The following MACROD2 variants were observed in gnomAD, a reference collection of about 807,000 sequenced individuals.
MACROD2 encodes mono-ADP ribosylhydrolase 2, also known as ADP-ribose glycohydrolase MACROD2.
In MACROD2, 36 loss-of-function variants were observed where a neutral mutation model predicts 70.4. That is an observed-to-expected ratio of 0.51 (90% confidence interval 0.39 to 0.68). MACROD2 has a LOEUF of 0.68. Among genes scored for constraint, MACROD2 ranks in the 30% least tolerant of loss-of-function variants. MACROD2 has a pLI of 0.00. For synonymous variants in MACROD2, 172 were observed against 178.8 expected (o/e 0.96, Z 0.30); for missense variants, 496 against 538.4 (o/e 0.92, Z 0.78).
intron 6 of MACROD2, among the ~76,000 whole-genome samples, chr20:15,351,720 T>G (rs1343797085): frequency 1.3e-5 from 2 of 152,160 alleles, no homozygotes; most frequent in African/African-American, 4.8e-5. Context: ...GTATTAGAAG[T>G]GAGGACCTTC....
chr20:14,748,573 T>C (rs1301894422), intron 5 of MACROD2, among the ~76,000 whole-genome samples: 6 of 152,096 alleles, frequency 3.9e-5, no homozygotes, highest in Non-Finnish European at 7.3e-5. Context: ...ACAGAGAAGA[T>C]GTAGAGAACT....
intron 4 of MACROD2, among the ~76,000 whole-genome samples, chr20:14,612,142 A>G (rs189145746): frequency 1.3e-5 from 2 of 152,146 alleles, no homozygotes; most frequent in African/African-American, 2.4e-5. Flanking sequence ...ATCTAGCCAG[A>G]TGTTTAAGCA....
chr20:15,259,224 G>A (rs1038740173), intron 6 of MACROD2, among the ~76,000 whole-genome samples: 1 of 151,952 alleles, frequency 6.6e-6, no homozygotes, highest in Non-Finnish European at 1.5e-5. Flanking sequence ...AATAGCATAT[G>A]AGACAGAGGA....
intron 4 of MACROD2, among the ~76,000 whole-genome samples, chr20:14,495,626 TA>T (rs1444125658): frequency 2.0e-5 from 3 of 152,192 alleles, no homozygotes; most frequent in Non-Finnish European, 4.4e-5. Flanking sequence ...CTGATTTCTT[TA>T]AATATATGTA....
chr20:14,005,683 A>G (rs1189219480), intron 2 of MACROD2, among the ~76,000 whole-genome samples: 1 of 151,712 alleles, frequency 6.6e-6, no homozygotes, highest in East Asian at 1.9e-4. Flanking sequence ...GCTCACTACA[A>G]CCTCCACCTC....
intron 6 of MACROD2, among the ~76,000 whole-genome samples, chr20:15,392,829 G>C (rs751918822): frequency 1.3e-4 from 20 of 150,882 alleles, no homozygotes; most frequent in Non-Finnish European, 2.4e-4. Context: ...TTTCCTTCTA[G>C]AGTAAATAGT....
intron 4 of MACROD2, among the ~76,000 whole-genome samples, chr20:14,633,246 G>C (rs560776139): frequency 6.6e-6 from 1 of 152,158 alleles, no homozygotes; most frequent in Non-Finnish European, 1.5e-5. Context: ...TTCATTTTAA[G>C]CCCATCTGGA....
At chr20:15,191,567 G>C (rs1043466963) in intron 5 of MACROD2, among the ~76,000 whole-genome samples, 5 of 152,102 alleles carry the variant, frequency 3.3e-5, no homozygotes, top group African/African-American at 1.2e-4. Flanking sequence ...TAAACCATAA[G>C]ATGATCAACA....
rs141643707 is a variant in MACROD2 at position 15,062,793 on chromosome 20, A to G, written c.419-167147A>G. On this transcript the variant is annotated intron_variant, in intron 5 of 17. Transcript: ENST00000684519. ...GTGATGTCTGTACGTGGCAATCCGA[A>G]TAGAACTTGGGACCAAGGAGGCCTG... Among the ~76,000 whole-genome samples the G allele has an allele frequency of 4.5e-4, 68 of 152,286 alleles. No homozygotes were observed. In the Middle Eastern group the frequency reaches 0.01, roughly 23 times the overall value.
At chr20:14,116,080 A>G (rs2054509913) in intron 3 of MACROD2, among the ~76,000 whole-genome samples, 1 of 152,192 alleles carries the variant, frequency 6.6e-6, no homozygotes, top group Admixed American at 6.5e-5. Flanking sequence ...GAAGACAGTT[A>G]CTTGACAGCA....
At chr20:15,901,270 T>C (rs2065060059) in intron 10 of MACROD2, among the ~76,000 whole-genome samples, 1 of 152,138 alleles carries the variant, frequency 6.6e-6, no homozygotes, top group Admixed American at 6.5e-5. Context: ...ATTCCCCTTA[T>C]CTTCAAGTCC....
rs73612381 is a variant in MACROD2 at position 14,883,538 on chromosome 20, A to G, written c.418+198579A>G. On this transcript the variant is annotated intron_variant, in intron 5 of 17. Coordinates refer to ENST00000684519, the MANE Select transcript of MACROD2 (RefSeq NM_001351661.2). ...TCTCTAATAAAACTACTTTAATCCCATTCACATTCCAGTTCTGAATACTAG... is the reference window on the plus strand; with the variant it reads ...TCTCTAATAAAACTACTTTAATCCCGTTCACATTCCAGTTCTGAATACTAG... Among the ~76,000 whole-genome samples, 164 of 152,086 alleles carry G rather than the reference A, an allele frequency of 1.1e-3. 1 individual carries two copies. In the East Asian group the frequency reaches 0.025, roughly 23 times the overall value.
chr20:14,394,027 A>T (rs1404572950), intron 3 of MACROD2, among the ~76,000 whole-genome samples: 3 of 152,176 alleles, frequency 2.0e-5, no homozygotes, highest in Non-Finnish European at 2.9e-5. Flanking sequence ...TTCCTAGTCT[A>T]TGGAACTGTG....
At chr20:15,564,245 C>T (rs997356016) in intron 8 of MACROD2, among the ~76,000 whole-genome samples, 1 of 152,146 alleles carries the variant, frequency 6.6e-6, no homozygotes, top group Non-Finnish European at 1.5e-5. Flanking sequence ...CATCTAGGAA[C>T]CTTCGCTCAT....
chr20:14,517,958 G>A (rs939882506), intron 4 of MACROD2, among the ~76,000 whole-genome samples: 1 of 151,764 alleles, frequency 6.6e-6, no homozygotes, highest in Non-Finnish European at 1.5e-5. Flanking sequence ...AAAAAGTACT[G>A]TCAGTACTGT....
intron 5 of MACROD2, among the ~76,000 whole-genome samples, chr20:14,891,345 A>G (rs965114588): frequency 2.6e-5 from 4 of 152,166 alleles, no homozygotes; most frequent in Non-Finnish European, 5.9e-5. Context: ...CTTACACTGA[A>G]TATGAGGAAA....
intron 5 of MACROD2, among the ~76,000 whole-genome samples, chr20:14,778,937 A>C (rs910274730): frequency 6.6e-6 from 1 of 152,138 alleles, no homozygotes; most frequent in Admixed American, 6.5e-5. Flanking sequence ...AAGAGCTAGA[A>C]TAAAAATCTC....
chr20:15,385,790 G>A (rs2045704911), intron 6 of MACROD2, among the ~76,000 whole-genome samples: 1 of 152,110 alleles, frequency 6.6e-6, no homozygotes, highest in South Asian at 2.1e-4. Context: ...ACTTCGTTCT[G>A]AATCTATTTA....
chr20:14,922,298 T>G (rs2074173499), intron 5 of MACROD2, among the ~76,000 whole-genome samples: 1 of 152,190 alleles, frequency 6.6e-6, no homozygotes, highest in Non-Finnish European at 1.5e-5. Context: ...CCTGCTTTTT[T>G]TTGTATGTAT....
Sources: gnomAD v4.1 joint callset for allele counts (sites outside exome capture counted in the v4.1 genomes callset) on GRCh38, gnomAD v4.1.1 for gene constraint, MANE v1.5 for transcripts, NCBI Gene and HGNC (gene_info 2026-07-23, HGNC 2026-07-21) for gene names.